Variants in ZNF253 observed in about 807,000 individuals in gnomAD.
ZNF253 encodes the protein zinc finger protein 253.
ZNF253 carries 8 observed loss-of-function variants against 11.9 expected under a neutral mutation model. The ratio of observed to expected loss-of-function variants is 0.67; its 90% confidence interval spans 0.40 to 1.22. ZNF253 has a LOEUF of 1.22. Ranked by LOEUF, ZNF253 falls within the 50% of genes most tolerant of loss-of-function variation. The pLI, the probability that ZNF253 is intolerant of heterozygous loss-of-function variation, is 0.01. For synonymous variants in ZNF253, 194 were observed against 194.9 expected (o/e 1.00, Z 0.04); for missense variants, 485 against 586.9 (o/e 0.83, Z 1.79).
intron 3 of ZNF253, among the ~76,000 whole-genome samples, chr19:19,882,836 T>TG (rs1310216681): frequency 6.6e-6 from 1 of 151,688 alleles, no homozygotes; most frequent in Non-Finnish European, 1.5e-5. Context: ...CTGGGCATGG[T>TG]GGCGGGCACC....
chr19:19,874,808 A>T (rs1024721197), intron 1 of ZNF253, among the ~76,000 whole-genome samples: 12 of 152,010 alleles, frequency 7.9e-5, no homozygotes, highest in African/African-American at 2.9e-4. Flanking sequence ...GCTACTTGGG[A>T]GGCTGAGGCA....
chr19:19,888,130 G>T (rs3943792), intron 3 of ZNF253, among the ~76,000 whole-genome samples: 1 of 150,876 alleles, frequency 6.6e-6, no homozygotes, highest in Non-Finnish European at 1.5e-5. Flanking sequence ...ATGGCACAAT[G>T]TTGGCTCACT....
At chr19:19,884,711 C>T (rs1220584154) in intron 3 of ZNF253, among the ~76,000 whole-genome samples, 1 of 152,052 alleles carries the variant, frequency 6.6e-6, no homozygotes, top group Admixed American at 6.6e-5. Context: ...AAATAAGGAA[C>T]ATTTCTAACA....
intron 3 of ZNF253, among the ~76,000 whole-genome samples, chr19:19,882,657 T>C (rs889473634): frequency 2.6e-5 from 4 of 152,168 alleles, no homozygotes; most frequent in Non-Finnish European, 5.9e-5. Context: ...TTTGTACACT[T>C]TAAGTCAATT....
intron 1 of ZNF253, among the ~76,000 whole-genome samples, chr19:19,867,748 C>T (rs10417812): frequency 0.11 from 16,898 of 152,254 alleles, 1,852 homozygotes; most frequent in African/African-American, 0.28. Context: ...CTGCAATGAA[C>T]ATACATATGA....
At chr19:19,890,300 G>GT (rs2063223144) in intron 3 of ZNF253, among the ~76,000 whole-genome samples, 1 of 152,102 alleles carries the variant, frequency 6.6e-6, no homozygotes. Flanking sequence ...GATTACTGCA[G>GT]TTTCTCTGCT....
intron 3 of ZNF253, 146 bp downstream of exon 3, chr19:19,880,292 T>TTTTTTTG: frequency 7.3e-6 from 3 of 413,330 alleles, no homozygotes; most frequent in East Asian, 8.4e-5. Context: ...TTTTTTTTTT[T>TTTTTTTG]CTCCCACAAA....
intron 1 of ZNF253, among the ~76,000 whole-genome samples, chr19:19,873,178 G>A (rs189140962): frequency 2.3e-4 from 35 of 151,192 alleles, no homozygotes; most frequent in Admixed American, 4.6e-4. Context: ...ATCTGTAAGT[G>A]TAAATAAGCA....
chr19:19,875,761 T>A (rs58948242), intron 1 of ZNF253, among the ~76,000 whole-genome samples: 11,822 of 151,982 alleles, frequency 0.078, 1,083 homozygotes, highest in African/African-American at 0.23. Context: ...GTAATTTTTT[T>A]AAAAAGTTGA....
rs747492774 is a variant in ZNF253 at position 19,880,053 on chromosome 19, ATTG to A, written c.138_140del (p.Val47del). 2 of 1,603,972 alleles carry A rather than the reference ATTG, an allele frequency of 1.2e-6. No individual in the cohort carries two copies. Among genetic ancestry groups the A allele is most frequent in the African/African-American group, 2.7e-5 (2 of 74,552 alleles). On this transcript the variant is annotated inframe_deletion, in exon 3 of 4. Coordinates refer to ENST00000589717, the MANE Select transcript of ZNF253 (RefSeq NM_021047.3). ...GTTATTTATTTTTAATAAAACAGGT[ATTG>A]TTGTCTCTAAGCCAGACCTGGTTAC...
At chr19:19,870,636 A>G (rs1376120226) in intron 1 of ZNF253, 1 of 152,122 alleles carries the variant, frequency 6.6e-6, no homozygotes, top group Non-Finnish European at 1.5e-5. Context: ...GTGGCCACCC[A>G]AACACCATAA....
chr19:19,877,772 A>AT (rs1012402097), intron 1 of ZNF253, among the ~76,000 whole-genome samples: 35 of 151,650 alleles, frequency 2.3e-4, no homozygotes, highest in African/African-American at 3.6e-4. Flanking sequence ...TCTCTGACAG[A>AT]TTTTTTTTTA....
At chr19:19,867,283 G>A (rs1246225620) in intron 1 of ZNF253, among the ~76,000 whole-genome samples, 2 of 152,194 alleles carry the variant, frequency 1.3e-5, no homozygotes, top group African/African-American at 4.8e-5. Context: ...TTATTGCAAA[G>A]GACATGATCA....
intron 3 of ZNF253, among the ~76,000 whole-genome samples, chr19:19,882,829 G>T (rs538501549): frequency 6.6e-6 from 1 of 151,760 alleles, no homozygotes; most frequent in South Asian, 2.1e-4. Context: ...AAATTAGCTG[G>T]GCATGGTGGC....
chr19:19,871,512 T>C (rs973320892), intron 1 of ZNF253, among the ~76,000 whole-genome samples: 1 of 152,248 alleles, frequency 6.6e-6, no homozygotes, highest in Non-Finnish European at 1.5e-5. Context: ...TCAGCCATTT[T>C]TGTAGCAGAG....
chr19:19,889,732 T>C (rs945896772), intron 3 of ZNF253, among the ~76,000 whole-genome samples: 20 of 152,136 alleles, frequency 1.3e-4, no homozygotes, highest in African/African-American at 2.2e-4. Context: ...CTTCCCATCT[T>C]GGGTTCAAGC....
Position 19,880,154 on chromosome 19 carries a change from C to T in ZNF253, c.226+8C>T, listed in dbSNP as rs200213384. 2.7e-5 allele frequency: 43 copies of T among 1,584,858 alleles called. 1 individual carries two copies. The highest frequency in any genetic ancestry group is 1.2e-4 in the Admixed American group (7 of 56,152). On this transcript the variant is annotated splice_region_variant and intron_variant, in intron 3 of 3. Transcript: ENST00000589717. ...TGATTGCCAAACCCCCAGGTAGGTA[C>T]GAGTGAAAACGAATACAACAGATGA...
chr19:19,891,252 C>T (rs1477024516), intron 3 of ZNF253, among the ~76,000 whole-genome samples: 1 of 152,172 alleles, frequency 6.6e-6, no homozygotes, highest in African/African-American at 2.4e-5. Flanking sequence ...TTCTGCTCAC[C>T]TGGAGCCCTT....
At chr19:19,888,655 T>A (rs1441655884) in intron 3 of ZNF253, among the ~76,000 whole-genome samples, 6 of 152,216 alleles carry the variant, frequency 3.9e-5, no homozygotes, top group Admixed American at 2.6e-4. Context: ...CTACTTATGT[T>A]ATATATTCAT....
Sources: allele counts gnomAD v4.1 joint callset (sites outside exome capture counted in the v4.1 genomes callset), GRCh38; gene constraint gnomAD v4.1.1; transcripts MANE v1.5; gene names NCBI Gene and HGNC (gene_info 2026-07-23, HGNC 2026-07-21).